ECD: variants seen among roughly 807,000 people sequenced by gnomAD.
ECD encodes the protein protein ecdysoneless homolog.
In ECD, 59 loss-of-function variants were observed where a neutral mutation model predicts 77.2. The ratio of observed to expected loss-of-function variants is 0.76; its 90% CI spans 0.62 to 0.95. The LOEUF (loss-of-function observed/expected upper bound fraction) is 0.95, where lower values mean the gene tolerates loss of function less well. Ranked by LOEUF, ECD falls within the 40% of genes least tolerant of loss-of-function variation. ECD has a pLI of 0.00. For synonymous variants in ECD, 233 were observed against 267.4 expected, an observed-to-expected ratio of 0.87 and a Z score of 1.26; for missense variants, 704 against 763.4, an observed-to-expected ratio of 0.92 and a Z score of 0.92.
intron 3 of ECD, among the ~76,000 whole-genome samples, chr10:73,158,958 C>T (rs952809881): frequency 7.2e-5 from 11 of 151,942 alleles, no homozygotes; most frequent in African/African-American, 2.2e-4. Flanking sequence ...AATGAGTTAT[C>T]GCTTAGATTT....
rs151023501 is a variant in ECD at position 73,152,364 on chromosome 10, G to A, written c.841C>T (p.Arg281Trp). Reference sequence around the variant, plus strand: ...GGAGGCAGCCTGTATCCACTCCGCCGGTCTGGCACAAACCTTTGTTGCACC... The same window carrying A: ...GGAGGCAGCCTGTATCCACTCCGCCAGTCTGGCACAAACCTTTGTTGCACC... ...QLVQQRFVPDRRSGYRLPPPS... is the reference protein window; with the variant it reads ...QLVQQRFVPDWRSGYRLPPPS... Residue 281 changes from arginine (R) to tryptophan (W), a missense_variant, in exon 7 of 14, where the codon CGG becomes TGG. By Grantham distance (101) the Arg-to-Trp change is moderately radical. Around this residue, in one of 3 missense-constraint regions of ECD, gnomAD observed 559 missense variants for 583.7 expected, o/e 0.96. Transcript: ENST00000372979. 2.2e-5 allele frequency: 36 copies of A among 1,613,700 alleles called. No homozygotes were observed. The highest frequency in any genetic ancestry group is 1.3e-4 in the Admixed American group (8 of 59,966).
rs531320922 is a variant in ECD, at chr10:73,138,617, G to A, written c.1422-547C>T. On this transcript the variant is annotated intron_variant, in intron 11 of 13. Transcript: ENST00000372979. ...AGTCTTGCTCTGTCACCCAGGCTGC[G>A]GTGCAGTGGCACGATCCCAGCTCAC... Among the ~76,000 whole-genome samples the A allele has an allele frequency of 5.4e-4, 82 of 151,662 alleles. 1 individual carries two copies. The highest frequency in any genetic ancestry group is 1.4e-3 in the East Asian group (7 of 5,156).
intron 2 of ECD, among the ~76,000 whole-genome samples, chr10:73,162,644 G>C (rs998730364): frequency 6.6e-6 from 1 of 152,120 alleles, no homozygotes; most frequent in Non-Finnish European, 1.5e-5. Context: ...GTATACATGG[G>C]GGGTATATCT....
At chr10:73,155,462 C>T (rs1435521351) in intron 5 of ECD, among the ~76,000 whole-genome samples, 2 of 148,784 alleles carry the variant, frequency 1.3e-5, no homozygotes, top group East Asian at 1.9e-4. Flanking sequence ...TAGGCTAAGA[C>T]CTTTCTTTTC....
At chr10:73,153,043 G>T (rs1843235232) in intron 6 of ECD, among the ~76,000 whole-genome samples, 1 of 151,954 alleles carries the variant, frequency 6.6e-6, no homozygotes, top group Non-Finnish European at 1.5e-5. Context: ...CTGAGACAGG[G>T]TCTTGCTCTG....
At chr10:73,165,686 G>C (rs1371611323) in intron 1 of ECD, among the ~76,000 whole-genome samples, 1 of 151,206 alleles carries the variant, frequency 6.6e-6, no homozygotes, top group Non-Finnish European at 1.5e-5. Context: ...GAGATATTTT[G>C]ATACAGGTAT....
At chr10:73,159,237 C>T (rs1375100880) in intron 3 of ECD, among the ~76,000 whole-genome samples, 1 of 152,242 alleles carries the variant, frequency 6.6e-6, no homozygotes, top group African/African-American at 2.4e-5. Context: ...GCGGAACGCC[C>T]TCTGCTGGCA....
At chr10:73,138,151 G>T in intron 11 of ECD, 81 bp from the exon 12 acceptor site, 1 of 1,029,970 alleles carries the variant, frequency 9.7e-7, no homozygotes. Context: ...GCCATTCTTA[G>T]GAAAGCTACC....
At chr10:73,167,213 A>AAT (rs1347745186) in intron 1 of ECD, among the ~76,000 whole-genome samples, 1 of 152,098 alleles carries the variant, frequency 6.6e-6, no homozygotes, top group East Asian at 1.9e-4. Context: ...CTGTTGTATA[A>AAT]TCTGAAGTCG....
chr10:73,146,241 C>T, intron 9 of ECD, 35 bp downstream of exon 9: 1 of 1,158,586 alleles, frequency 8.6e-7, no homozygotes, highest in South Asian at 1.7e-5. Flanking sequence ...ACCTAAATAC[C>T]AATCTTTGTA....
At chr10:73,163,711 CA>C in intron 2 of ECD, 21 bp downstream of exon 2, 3 of 1,610,830 alleles carry the variant, frequency 1.9e-6, no homozygotes, top group Non-Finnish European at 2.5e-6. Context: ...CACACTAATC[CA>C]AACAAGTAAA....
intron 5 of ECD, 59 bp from the exon 6 acceptor site, chr10:73,154,507 T>A (rs995768745): frequency 1.4e-6 from 2 of 1,427,194 alleles, no homozygotes; most frequent in Non-Finnish European, 1.9e-6. Context: ...ATAATTCTTA[T>A]ACCATTCACA....
chr10:73,134,937 A>G (rs1842959940), intron 13 of ECD, 124 bp from the exon 14 acceptor site: 1 of 783,848 alleles, frequency 1.3e-6, no homozygotes, highest in Non-Finnish European at 2.0e-6. Context: ...GAAACTTCTT[A>G]TCCTTGGTGA....
At chr10:73,164,658 G>A (rs1843428392) in intron 1 of ECD, among the ~76,000 whole-genome samples, 1 of 151,812 alleles carries the variant, frequency 6.6e-6, no homozygotes, top group African/African-American at 2.4e-5. Flanking sequence ...TTTAGTAGAG[G>A]CAAGGTTTTG....
chr10:73,156,402 C>T lies in ECD; in HGVS notation c.463G>A (p.Gly155Arg), dbSNP rs1843297168. 2 of 1,613,322 alleles carry T rather than the reference C, an allele frequency of 1.2e-6. No individual in the cohort carries two copies. The highest frequency in any genetic ancestry group is 1.7e-5 in the Admixed American group (1 of 59,818). Reference protein sequence around the residue: ...LCIIPAPRKSGAESWLPTTPP... With the variant: ...LCIIPAPRKSRAESWLPTTPP... ...GTGGTGGGTAACCAAGATTCTGCTC[C>T]AGATTTTCTTGGTGCAGGGATAATA... Residue 155 changes from glycine (G) to arginine (R), a missense_variant, in exon 5 of 14, where the codon GGA becomes AGA. By Grantham distance (125) the Gly-to-Arg change is moderately radical. Coordinates refer to ENST00000372979, the MANE Select transcript of ECD (RefSeq NM_007265.3).
chr10:73,155,582 A>C (rs1211802752), intron 5 of ECD, among the ~76,000 whole-genome samples: 2 of 149,642 alleles, frequency 1.3e-5, no homozygotes, highest in African/African-American at 4.9e-5. Context: ...TTTGTGCTCC[A>C]TTAGGTTTCT....
At chr10:73,165,515 C>T (rs949333952) in intron 1 of ECD, among the ~76,000 whole-genome samples, 3 of 151,834 alleles carry the variant, frequency 2.0e-5, no homozygotes, top group African/African-American at 7.3e-5. Flanking sequence ...CCACACCTGG[C>T]TAATTTTTGT....
At chr10:73,144,979 T>C (rs1432867705) in intron 9 of ECD, among the ~76,000 whole-genome samples, 2 of 152,190 alleles carry the variant, frequency 1.3e-5, no homozygotes, top group African/African-American at 4.8e-5. Flanking sequence ...GATTTGATCA[T>C]TATACATTGT....
chr10:73,144,827 G>C (rs1843103074), intron 9 of ECD, among the ~76,000 whole-genome samples: 1 of 152,050 alleles, frequency 6.6e-6, no homozygotes, highest in African/African-American at 2.4e-5. Flanking sequence ...AAGAGCTAGT[G>C]TTTGGTAGCA....
Sources: gnomAD v4.1 joint callset for allele counts (sites outside exome capture counted in the v4.1 genomes callset) on GRCh38, gnomAD v4.1.1 for gene constraint, gnomAD v4.1.1 regional missense constraint, MANE v1.5 for transcripts, NCBI Gene and HGNC (gene_info 2026-07-23, HGNC 2026-07-21) for gene names.